MAP4K3: variants seen among roughly 807,000 people sequenced by gnomAD.
MAP4K3 encodes MAPK/ERK kinase kinase kinase 3.
MAP4K3 carries 94 observed loss-of-function variants against 143.5 expected under a neutral mutation model. The observed-to-expected ratio is 0.65, with a 90% CI of 0.55 to 0.78. The LOEUF (loss-of-function observed/expected upper bound fraction) is 0.78. MAP4K3 is among the 30% of genes least tolerant of loss of function. MAP4K3 has a pLI of 0.00. For missense variants in MAP4K3, 1,077 were observed against 1,068.1 expected, an observed-to-expected ratio of 1.01 and a Z score of -0.12; for synonymous variants, 416 against 347.2, an observed-to-expected ratio of 1.20 and a Z score of -2.20.
chr2:39,415,481 A>G (rs1364003696), intron 1 of MAP4K3, among the ~76,000 whole-genome samples: 1 of 152,170 alleles, frequency 6.6e-6, no homozygotes, highest in Non-Finnish European at 1.5e-5. Context: ...ACAGTCAATT[A>G]AAAGAAAGGA....
At chr2:39,423,691 A>G (rs577611145) in intron 1 of MAP4K3, among the ~76,000 whole-genome samples, 1 of 152,388 alleles carries the variant, frequency 6.6e-6, no homozygotes, top group African/African-American at 2.4e-5. Context: ...TATGATTCCA[A>G]TTATATGACA....
At chr2:39,408,740 T>G (rs1667160646) in intron 1 of MAP4K3, among the ~76,000 whole-genome samples, 1 of 151,944 alleles carries the variant, frequency 6.6e-6, no homozygotes, top group African/African-American at 2.4e-5. Context: ...CCAGAGGAAT[T>G]AACAGAAGCA....
chr2:39,380,945 AC>A (rs778639457), intron 1 of MAP4K3, among the ~76,000 whole-genome samples: 2 of 152,150 alleles, frequency 1.3e-5, no homozygotes, highest in East Asian at 3.9e-4. Flanking sequence ...TCAAAAAGAA[AC>A]CCCAGACCCA....
chr2:39,284,203 C>G (rs955298737), intron 21 of MAP4K3, among the ~76,000 whole-genome samples: 1 of 151,484 alleles, frequency 6.6e-6, no homozygotes, highest in Non-Finnish European at 1.5e-5. Context: ...GCTCTGTTAC[C>G]CAGGCTGGAG....
intron 1 of MAP4K3, among the ~76,000 whole-genome samples, chr2:39,381,858 TC>T (rs1372028602): frequency 1.3e-5 from 2 of 152,186 alleles, no homozygotes; most frequent in Non-Finnish European, 2.9e-5. Flanking sequence ...CAGACATCCT[TC>T]GAAGCTCAGC....
rs148311778 is a variant in MAP4K3, at chr2:39,403,195, C to T, written c.97-25072G>A. Among the ~76,000 whole-genome samples the T allele has an allele frequency of 1.8e-4, 28 of 152,150 alleles. No homozygotes were observed. The East Asian group carries it at 2.9e-3, about 16-fold the overall frequency. Reference sequence around the variant, plus strand: ...CAAGATAGGGGCAGAGCAAGAGGGCCGAACAGGACTCCACCCACTGACACC... The same window carrying T: ...CAAGATAGGGGCAGAGCAAGAGGGCTGAACAGGACTCCACCCACTGACACC... On this transcript the variant is annotated intron_variant, in intron 1 of 33. Coordinates refer to ENST00000263881, the MANE Select transcript of MAP4K3 (RefSeq NM_003618.4).
chr2:39,359,273 T>C (rs1426211648), intron 2 of MAP4K3, among the ~76,000 whole-genome samples: 1 of 151,616 alleles, frequency 6.6e-6, no homozygotes, highest in Non-Finnish European at 1.5e-5. Context: ...ACCAACAGGG[T>C]AGTCATTAAA....
At chr2:39,364,840 T>C (rs937367954) in intron 2 of MAP4K3, among the ~76,000 whole-genome samples, 6 of 132,218 alleles carry the variant, frequency 4.5e-5, no homozygotes, top group African/African-American at 1.7e-4. Flanking sequence ...TGCACCAGCC[T>C]GGGCAACAGA....
intron 1 of MAP4K3, among the ~76,000 whole-genome samples, chr2:39,411,612 T>G (rs1426084441): frequency 6.6e-6 from 1 of 152,234 alleles, no homozygotes; most frequent in Admixed American, 6.5e-5. Context: ...GGTGAGAAAG[T>G]GGATGGAACC....
chr2:39,295,089 C>T (rs141266351), intron 16 of MAP4K3, among the ~76,000 whole-genome samples: 1,741 of 149,702 alleles, frequency 0.012, 18 homozygotes, highest in Middle Eastern at 0.025. Flanking sequence ...ATTATTTTGT[C>T]TCATAAAAAA....
chr2:39,320,196 T>C (rs1485920150), intron 12 of MAP4K3, among the ~76,000 whole-genome samples: 1 of 152,178 alleles, frequency 6.6e-6, no homozygotes, highest in Non-Finnish European at 1.5e-5. Flanking sequence ...TAGTCAAAAA[T>C]TAAGTATTTC....
At chr2:39,317,414 G>T (rs1683150030) in intron 12 of MAP4K3, among the ~76,000 whole-genome samples, 1 of 152,028 alleles carries the variant, frequency 6.6e-6, no homozygotes, top group South Asian at 2.1e-4. Flanking sequence ...TGACAAATGG[G>T]ATCTAATTAA....
intron 2 of MAP4K3, among the ~76,000 whole-genome samples, chr2:39,365,682 G>A (rs1665903424): frequency 6.6e-6 from 1 of 150,880 alleles, no homozygotes; most frequent in Admixed American, 6.6e-5. Flanking sequence ...CTGACCTCAT[G>A]ATCCACCCGC....
At chr2:39,429,690 T>A (rs1015673420) in intron 1 of MAP4K3, among the ~76,000 whole-genome samples, 2 of 152,216 alleles carry the variant, frequency 1.3e-5, no homozygotes, top group East Asian at 3.8e-4. Context: ...TCCAGTAGGC[T>A]TTTATATTTA....
intron 2 of MAP4K3, among the ~76,000 whole-genome samples, chr2:39,357,881 T>A (rs1573193747): frequency 6.6e-6 from 1 of 152,232 alleles, no homozygotes; most frequent in African/African-American, 2.4e-5. Context: ...AAGAGTTGCA[T>A]ACAGTAAAAG....
intron 22 of MAP4K3, among the ~76,000 whole-genome samples, chr2:39,280,698 C>T (rs992409629): frequency 1.3e-5 from 2 of 152,170 alleles, no homozygotes; most frequent in Admixed American, 6.5e-5. Context: ...ACAATAGTCT[C>T]TGGTAAAAAG....
chr2:39,288,852 A>T (rs1163912867), intron 19 of MAP4K3, among the ~76,000 whole-genome samples: 4 of 152,190 alleles, frequency 2.6e-5, no homozygotes, highest in Admixed American at 6.5e-5. Context: ...GGAGATCGAG[A>T]TCATCCTGGC....
At chr2:39,353,401 C>T (rs1430485044) in intron 3 of MAP4K3, among the ~76,000 whole-genome samples, 1 of 152,176 alleles carries the variant, frequency 6.6e-6, no homozygotes, top group East Asian at 1.9e-4. Flanking sequence ...CTTCAAATCA[C>T]TTTGATCAGC....
At chr2:39,382,356 C>A (rs1002865289) in intron 1 of MAP4K3, among the ~76,000 whole-genome samples, 11 of 152,156 alleles carry the variant, frequency 7.2e-5, no homozygotes, top group African/African-American at 2.7e-4. Flanking sequence ...AGTACTCAAA[C>A]CTTACTATGT....
Sources: allele counts gnomAD v4.1 joint callset (sites outside exome capture counted in the v4.1 genomes callset), GRCh38; gene constraint gnomAD v4.1.1; transcripts MANE v1.5; gene names NCBI Gene and HGNC (gene_info 2026-07-23, HGNC 2026-07-21).